The following RPS6KC1 variants were observed in gnomAD, a reference collection of about 807,000 sequenced individuals.
The protein encoded by RPS6KC1 is ribosomal protein S6 kinase C1.
RPS6KC1 carries 54 observed loss-of-function variants against 103.8 expected under a neutral mutation model. The ratio of observed to expected loss-of-function variants is 0.52; its 90% CI spans 0.42 to 0.65. The LOEUF is 0.65. Ranked by LOEUF, RPS6KC1 falls within the 30% of genes least tolerant of loss-of-function variation. RPS6KC1 has a pLI of 0.00. For synonymous variants in RPS6KC1, 439 were observed against 438.7 expected (o/e 1.00, Z -0.01); for missense variants, 1,151 against 1,253.8 (o/e 0.92, Z 1.24).
chr1:213,318,889 G>A, the RPS6KC1 span, among the ~76,000 whole-genome samples: 10 of 152,198 alleles, frequency 6.6e-5, no homozygotes, highest in African/African-American at 2.4e-4. Flanking sequence ...TCCATAGTAG[G>A]GATGAAGATA....
At chr1:213,693,056 C>A in the RPS6KC1 span, among the ~76,000 whole-genome samples, 2 of 152,242 alleles carry the variant, frequency 1.3e-5, no homozygotes, top group Admixed American at 6.5e-5. Flanking sequence ...GTACCAAAGA[C>A]AAACAAGAAA....
At chr1:213,359,606 T>C in the RPS6KC1 span, among the ~76,000 whole-genome samples, 2 of 152,176 alleles carry the variant, frequency 1.3e-5, no homozygotes, top group Non-Finnish European at 2.9e-5. Context: ...ATTATGATGT[T>C]AGCTGGTTAT....
At chr1:213,687,581 A>G in the RPS6KC1 span, among the ~76,000 whole-genome samples, 5 of 152,206 alleles carry the variant, frequency 3.3e-5, no homozygotes, top group African/African-American at 1.2e-4. Flanking sequence ...CATTTCTAGC[A>G]GTGAGAACCA....
intron 8 of RPS6KC1, among the ~76,000 whole-genome samples, chr1:213,194,182 T>C (rs2148500262): frequency 6.6e-6 from 1 of 152,328 alleles, no homozygotes; most frequent in East Asian, 1.9e-4. Context: ...TCCATCTCTT[T>C]ATTTTCCGCC....
the RPS6KC1 span, among the ~76,000 whole-genome samples, chr1:213,408,293 T>C: frequency 6.6e-6 from 1 of 152,210 alleles, no homozygotes; most frequent in Non-Finnish European, 1.5e-5. Context: ...ACCCCTTCAC[T>C]GCTGATGGGC....
At chr1:213,654,048 G>A in the RPS6KC1 span, among the ~76,000 whole-genome samples, 1 of 152,174 alleles carries the variant, frequency 6.6e-6, no homozygotes, top group Non-Finnish European at 1.5e-5. Context: ...GTACAGATGG[G>A]CAAACTGTGC....
chr1:213,283,165 C>T, the RPS6KC1 span, among the ~76,000 whole-genome samples: 302 of 152,260 alleles, frequency 2.0e-3, 1 homozygote, highest in Non-Finnish European at 3.2e-3. Context: ...CAAACACATA[C>T]ATGCTATAAT....
intron 13 of RPS6KC1, among the ~76,000 whole-genome samples, chr1:213,262,278 A>T (rs2094815249): frequency 6.6e-6 from 1 of 152,020 alleles, no homozygotes; most frequent in Non-Finnish European, 1.5e-5. Context: ...CTGACCTAAG[A>T]TTGCTGGGGA....
the RPS6KC1 span, among the ~76,000 whole-genome samples, chr1:213,460,853 A>G: frequency 6.6e-6 from 1 of 152,172 alleles, no homozygotes; most frequent in African/African-American, 2.4e-5. Flanking sequence ...TATGAAGCTT[A>G]GTTTGGCTGG....
the RPS6KC1 span, among the ~76,000 whole-genome samples, chr1:213,383,127 C>T: frequency 3.9e-5 from 6 of 152,224 alleles, no homozygotes; most frequent in Admixed American, 2.0e-4. Context: ...TGTCGACCCC[C>T]GGCCGTCCGC....
intron 8 of RPS6KC1, among the ~76,000 whole-genome samples, chr1:213,202,565 A>G (rs931380657): frequency 7.2e-5 from 11 of 152,266 alleles, no homozygotes; most frequent in African/African-American, 2.4e-4. Context: ...GTGAGCCAAG[A>G]TCGCCCCACT....
At chr1:213,109,256 C>T (rs1223029442) in intron 4 of RPS6KC1, among the ~76,000 whole-genome samples, 1 of 152,138 alleles carries the variant, frequency 6.6e-6, no homozygotes, top group African/African-American at 2.4e-5. Flanking sequence ...CCTGCTTCAG[C>T]CTCCTGGTTA....
chr1:213,261,761 C>A, intron 13 of RPS6KC1, 121 bp downstream of exon 13: 1 of 780,554 alleles, frequency 1.3e-6, no homozygotes, highest in African/African-American at 1.7e-5. Flanking sequence ...ACTTTGATAT[C>A]GAAAGCAAGT....
the RPS6KC1 span, among the ~76,000 whole-genome samples, chr1:213,413,826 A>T: frequency 1.3e-5 from 2 of 152,360 alleles, no homozygotes; most frequent in African/African-American, 4.8e-5. Flanking sequence ...AGAATCACTG[A>T]GGCCATCTTG....
At chr1:213,319,555 A>C in the RPS6KC1 span, among the ~76,000 whole-genome samples, 22 of 152,214 alleles carry the variant, frequency 1.4e-4, no homozygotes, top group African/African-American at 5.3e-4. Flanking sequence ...ATGCTGCACA[A>C]TGCGTGAAAG....
intron 8 of RPS6KC1, among the ~76,000 whole-genome samples, chr1:213,206,875 G>T (rs1458529998): frequency 6.6e-6 from 1 of 152,180 alleles, no homozygotes; most frequent in African/African-American, 2.4e-5. Flanking sequence ...CACTTTGGGA[G>T]GCCAAGGTGG....
At chr1:213,059,934 G>A (rs1572252451) in intron 1 of RPS6KC1, among the ~76,000 whole-genome samples, 1 of 152,120 alleles carries the variant, frequency 6.6e-6, no homozygotes, top group Non-Finnish European at 1.5e-5. Context: ...GCCTCCCAAA[G>A]TGCTGGGATT....
At chr1:213,057,537 C>T (rs2077433657) in intron 1 of RPS6KC1, among the ~76,000 whole-genome samples, 1 of 152,020 alleles carries the variant, frequency 6.6e-6, no homozygotes, top group African/African-American at 2.4e-5. Flanking sequence ...TACTACTATA[C>T]TTTTGTCTTT....
chr1:213,293,981 TG>T, the RPS6KC1 span, among the ~76,000 whole-genome samples: 1 of 152,220 alleles, frequency 6.6e-6, no homozygotes, highest in Non-Finnish European at 1.5e-5. Flanking sequence ...ATAATCTCCT[TG>T]CATTCTTTGT....
Sources: gnomAD v4.1 joint callset for allele counts (sites outside exome capture counted in the v4.1 genomes callset) on GRCh38, gnomAD v4.1.1 for gene constraint, MANE v1.5 for transcripts, NCBI Gene and HGNC (gene_info 2026-07-23, HGNC 2026-07-21) for gene names.